TCEAL4: variants seen among roughly 807,000 people sequenced by gnomAD.
The protein encoded by TCEAL4 is transcription elongation factor A protein-like 4.
Under a neutral mutation model 1.3 loss-of-function variants are expected in TCEAL4, and 1 was observed. That is an observed-to-expected ratio of 0.79 (90% CI 0.28 to 3.76). The LOEUF is 3.76. Ranked by LOEUF, TCEAL4 falls within the 30% of genes most tolerant of loss-of-function variation. The pLI, the probability that TCEAL4 is intolerant of heterozygous loss-of-function variation, is 0.18. For missense variants in TCEAL4, 129 were observed against 154.7 expected (o/e 0.83, Z 0.88); for synonymous variants, 54 against 50.7 (o/e 1.06, Z -0.28).
At chrX:103,577,224 G>A in intron 2 of TCEAL4, 1 of 1,161,563 alleles carries the variant, frequency 8.6e-7, no homozygotes, top group South Asian at 1.9e-5. Flanking sequence ...GTAAATAAAT[G>A]GATGCAATAT....
chrX:103,586,619 TCTCCTCTTTC>T lies in TCEAL4; in HGVS notation c.-27-25_-27-16del. ...CTCAGTCTCCCATGTCTCCTCTTTGTCTCCTCTTTCCTCCACCCCCATCCCCCAGGACAGG... is the reference window on the plus strand; with the variant it reads ...CTCAGTCTCCCATGTCTCCTCTTTGTCTCCACCCCCATCCCCCAGGACAGG... On this transcript the variant is annotated intron_variant, in intron 2 of 2. Coordinates refer to ENST00000472484, the MANE Select transcript of TCEAL4 (RefSeq NM_001006935.3). 8.4e-7 allele frequency: 1 copy of T among 1,186,047 alleles called. No individual in the cohort carries two copies. The highest frequency in any genetic ancestry group is 2.4e-5 in the Admixed American group (1 of 42,122).
intron 2 of TCEAL4, 83 bp downstream of exon 2, chrX:103,586,374 C>T: frequency 2.8e-6 from 3 of 1,067,541 alleles, no homozygotes; most frequent in Non-Finnish European, 3.8e-6. Flanking sequence ...GAATTGGGGC[C>T]TTTCCCATTC....
chrX:103,577,188 C>T (rs1569388612), exon 2 of TCEAL4: 1 of 1,166,601 alleles, frequency 8.6e-7, no homozygotes, highest in East Asian at 3.2e-5. Context: ...GACATAACAA[C>T]TTCGGAAATT....
chrX:103,576,471 T>C, exon 1 of TCEAL4: 1 of 1,166,546 alleles, frequency 8.6e-7, no homozygotes, highest in Non-Finnish European at 1.1e-6. Context: ...GAGGTCAAGA[T>C]GCCAGCTGGA....
rs147553313 is a variant in TCEAL4, at chrX:103,586,781, C to G, written c.106C>G (p.Leu36Val). ...GAGAAAGCCAGAAGTAACTTGTACTCTGGAAGACAAGAAGTTAGAAAACGA... is the reference window on the plus strand; with the variant it reads ...GAGAAAGCCAGAAGTAACTTGTACTGTGGAAGACAAGAAGTTAGAAAACGA... ...DERKPEVTCT[L>V]EDKKLENEGK... The change falls in exon 3 of 3, where the codon CTG (leucine) becomes GTG (valine). Residue 36 changes from leucine (L) to valine (V), a missense_variant. This residue lies in a region of TCEAL4 where 116 missense variants were observed against 120.3 expected (regional missense o/e 0.96). Coordinates refer to ENST00000472484, the MANE Select transcript of TCEAL4 (RefSeq NM_001006935.3). The G allele has an allele frequency of 1.1e-3, 1,372 of 1,209,696 alleles. 13 individuals carry two copies. The African/African-American group carries it at 0.021, about 19-fold the overall frequency.
chrX:103,578,369 T>C (rs761300794), intron 2 of TCEAL4, among the ~76,000 whole-genome samples: 2 of 112,098 alleles, frequency 1.8e-5, no homozygotes, highest in African/African-American at 3.2e-5. Context: ...TAGGAGTGGA[T>C]TGTTGCGTCA....
chrX:103,585,794 C>T, intron 1 of TCEAL4, 170 bp downstream of exon 1: 1 of 1,111,821 alleles, frequency 9.0e-7, no homozygotes, highest in South Asian at 2.2e-5. Context: ...TGAGGGGGAG[C>T]ACGTAGGCAG....
chrX:103,586,404 C>CA (rs2073547912), intron 2 of TCEAL4, 113 bp downstream of exon 2: 4 of 974,756 alleles, frequency 4.1e-6, no homozygotes, highest in Non-Finnish European at 4.2e-6. Context: ...CATGAACACA[C>CA]ACCTTACCAG....
chrX:103,580,393 T>G (rs758261145), intron 2 of TCEAL4, among the ~76,000 whole-genome samples: 1 of 112,276 alleles, frequency 8.9e-6, no homozygotes, highest in African/African-American at 3.2e-5. Flanking sequence ...ATGGAATCAC[T>G]ATTGTAGTTA....
rs1013669992 is a variant in TCEAL4, at chrX:103,586,541, C to T, written c.-27-108C>T. 3.0e-5 allele frequency: 30 copies of T among 1,015,962 alleles called. No individual in the cohort carries two copies. The African/African-American group carries it at 5.2e-4, about 18-fold the overall frequency. 83.7% of individuals were successfully genotyped at this position (1,015,962 alleles called of 1,213,427 possible). On this transcript the variant is annotated intron_variant, in intron 2 of 2. Transcript: ENST00000472484. ...GAGGCCTGGCCAGCTTAGGGGAACC[C>T]TCATCAGGGGTGAGATGCAAGTACT...
upstream of TCEAL4, among the ~76,000 whole-genome samples, chrX:103,582,548 C>A (rs1260470462): frequency 1.8e-5 from 2 of 111,629 alleles, no homozygotes; most frequent in African/African-American, 6.5e-5. Context: ...GGTACTGGTA[C>A]AACAACAGAC....
chrX:103,576,320 T>C, exon 1 of TCEAL4: 1 of 732,673 alleles, frequency 1.4e-6, no homozygotes, highest in Non-Finnish European at 2.0e-6. Context: ...TTATGATTTA[T>C]TTTACTCCTA....
chrX:103,585,386 A>G (rs2073530603), upstream of TCEAL4: 5 of 860,044 alleles, frequency 5.8e-6, no homozygotes, highest in Non-Finnish European at 7.5e-6. Flanking sequence ...TTAACAAGAA[A>G]AAAAGGACAA....
upstream of TCEAL4, among the ~76,000 whole-genome samples, chrX:103,583,192 C>T (rs770438935): frequency 1.8e-5 from 2 of 111,910 alleles, no homozygotes; most frequent in East Asian, 5.6e-4. Context: ...GTCAGAATGG[C>T]TATTATTAAA....
At chrX:103,581,872 A>G (rs2073509899), upstream of TCEAL4, among the ~76,000 whole-genome samples, 1 of 111,814 alleles carries the variant, frequency 8.9e-6, no homozygotes, top group Non-Finnish European at 1.9e-5. Context: ...CCTATTCAAC[A>G]TAGTATTGGA....
Position 103,586,772 on chromosome X carries a change from A to G in TCEAL4, c.97A>G (p.Thr33Ala). 1 of 1,211,952 alleles carries G rather than the reference A, an allele frequency of 8.3e-7. No homozygotes were observed. The highest frequency in any genetic ancestry group is 1.8e-5 in the South Asian group (1 of 56,942). Residue 33 changes from threonine to alanine, a missense_variant, in exon 3 of 3, where the codon ACT becomes GCT. By Grantham distance (58) the Thr-to-Ala change is moderately conservative (BLOSUM62 0). This residue lies in a region of TCEAL4 where 116 missense variants were observed against 120.3 expected (regional missense o/e 0.96). Transcript: ENST00000472484. ...QPQDERKPEV[T>A]CTLEDKKLEN... is the part of the protein sequence containing the mutation. ...ACAAGACGAGAGAAAGCCAGAAGTA[A>G]CTTGTACTCTGGAAGACAAGAAGTT... is the stretch of plus-strand genomic sequence containing the variant.
upstream of TCEAL4, among the ~76,000 whole-genome samples, chrX:103,582,898 G>A (rs775316643): frequency 1.4e-3 from 153 of 111,218 alleles, no homozygotes; most frequent in African/African-American, 4.5e-3. Context: ...TTAAACTAAC[G>A]AGCTTCTACA....
intron 2 of TCEAL4, among the ~76,000 whole-genome samples, chrX:103,577,482 G>T (rs2073489391): frequency 9.0e-6 from 1 of 111,610 alleles, no homozygotes; most frequent in Non-Finnish European, 1.9e-5. Context: ...TATACAAATT[G>T]TATATGAAAT....
chrX:103,582,313 T>C (rs2073511845), upstream of TCEAL4, among the ~76,000 whole-genome samples: 1 of 111,842 alleles, frequency 8.9e-6, no homozygotes, highest in African/African-American at 3.3e-5. Flanking sequence ...ATCAATATCA[T>C]GAAAATGGCC....
Sources: gnomAD v4.1 joint callset for allele counts (sites outside exome capture counted in the v4.1 genomes callset) on GRCh38, gnomAD v4.1.1 for gene constraint, gnomAD v4.1.1 regional missense constraint, MANE v1.5 for transcripts, NCBI Gene and HGNC (gene_info 2026-07-23, HGNC 2026-07-21) for gene names.